PLPP3: variants seen among roughly 807,000 people sequenced by gnomAD.
PLPP3 encodes phospholipid phosphatase 3, also known as PAP2 beta.
In PLPP3, 6 loss-of-function variants were observed where a neutral mutation model predicts 29.6. That is an observed-to-expected ratio of 0.20 (90% CI 0.11 to 0.40). The LOEUF is 0.40. Ranked by LOEUF, PLPP3 falls within the 10% of genes least tolerant of loss-of-function variation. The pLI is 1.00. For missense variants in PLPP3, 308 were observed against 407.7 expected (o/e 0.76, Z 2.11); for synonymous variants, 152 against 159.7 (o/e 0.95, Z 0.36).
chr1:56,535,236 T>A (rs1184830215), intron 2 of PLPP3, among the ~76,000 whole-genome samples: 1 of 152,160 alleles, frequency 6.6e-6, no homozygotes, highest in Non-Finnish European at 1.5e-5. Flanking sequence ...GGTGCTCAGG[T>A]CTGAACCAGG....
chr1:56,522,259 G>T (rs904815555), intron 4 of PLPP3, among the ~76,000 whole-genome samples: 4 of 152,182 alleles, frequency 2.6e-5, no homozygotes, highest in Non-Finnish European at 5.9e-5. Context: ...CATCCAAAGT[G>T]TGTCAGCATC....
intron 4 of PLPP3, among the ~76,000 whole-genome samples, chr1:56,523,183 G>A (rs989203128): frequency 6.6e-6 from 1 of 152,156 alleles, no homozygotes; most frequent in African/African-American, 2.4e-5. Context: ...TCATGGAGCA[G>A]AAGTATTTTG....
intron 1 of PLPP3, among the ~76,000 whole-genome samples, chr1:56,561,054 A>G (rs112415441): frequency 0.023 from 3,294 of 141,602 alleles, 101 homozygotes; most frequent in East Asian, 0.11. Flanking sequence ...TCACCATGTT[A>G]GCCAGGATGG....
At chr1:56,525,998 A>G (rs965868789) in intron 2 of PLPP3, among the ~76,000 whole-genome samples, 17 of 152,178 alleles carry the variant, frequency 1.1e-4, no homozygotes, top group Admixed American at 1.3e-4. Flanking sequence ...AGCTATTATC[A>G]CTGCCAACAT....
intron 1 of PLPP3, among the ~76,000 whole-genome samples, chr1:56,554,470 G>A (rs1646060879): frequency 1.3e-5 from 2 of 151,826 alleles, no homozygotes; most frequent in Non-Finnish European, 2.9e-5. Context: ...TACTCGGGAG[G>A]CTGAGGCAGG....
intron 4 of PLPP3, among the ~76,000 whole-genome samples, chr1:56,516,481 A>AT (rs983264226): frequency 2.4e-4 from 37 of 152,354 alleles, no homozygotes; most frequent in Middle Eastern, 3.4e-3. Context: ...GGGCTTTAGT[A>AT]AAGTCCTAGG....
At chr1:56,505,769 A>C (rs1228102895) in intron 5 of PLPP3, among the ~76,000 whole-genome samples, 1 of 152,226 alleles carries the variant, frequency 6.6e-6, no homozygotes, top group African/African-American at 2.4e-5. Flanking sequence ...GCTTCCAATC[A>C]ACATTAGGCT....
chr1:56,555,454 AAAAAAAC>A (rs1557512836), intron 1 of PLPP3, among the ~76,000 whole-genome samples: 1 of 149,428 alleles, frequency 6.7e-6, no homozygotes, highest in South Asian at 2.1e-4. Context: ...AAAAAAAAAA[AAAAAAAC>A]AAAAAACAAA....
rs542393469 is a variant in PLPP3 at position 56,568,353 on chromosome 1, A to T, written c.139+10525T>A. ...CTCAATAAAGCTCTTTGAATAAAAT[A>T]CCATTGCAACCCAGGAAAAACCCTT... On this transcript the variant is annotated intron_variant, in intron 1 of 5. Coordinates refer to ENST00000371250, the MANE Select transcript of PLPP3 (RefSeq NM_003713.5). 7.2e-5 allele frequency among the ~76,000 whole-genome samples: 11 copies of T among 152,338 alleles called. No homozygotes were observed. In the South Asian group the frequency reaches 2.3e-3, roughly 32 times the overall value.
rs139136619 is a variant in PLPP3 at position 56,565,489 on chromosome 1, C to T, written c.139+13389G>A. Reference sequence around the variant, plus strand: ...AGACTGGAGTGCAGTGGCACAGTCTCGGCTCACTGCAACCTCTGCCTCCCA... The same window carrying T: ...AGACTGGAGTGCAGTGGCACAGTCTTGGCTCACTGCAACCTCTGCCTCCCA... On this transcript the variant is annotated intron_variant, in intron 1 of 5. Transcript: ENST00000371250. 3.6e-3 allele frequency among the ~76,000 whole-genome samples: 551 copies of T among 152,116 alleles called. 2 individuals are homozygous for T. Among genetic ancestry groups the T allele is most frequent in the Non-Finnish European group, 5.5e-3 (374 of 67,990 alleles).
chr1:56,501,007 CAAAAAAAAAAAAA>C (rs71048436), intron 5 of PLPP3, among the ~76,000 whole-genome samples: 3 of 84,962 alleles, frequency 3.5e-5, no homozygotes, highest in African/African-American at 5.7e-5. Flanking sequence ...CTGTCTCAGA[CAAAAAAAAAAAAA>C]AAAAAAAAAA....
intron 1 of PLPP3, among the ~76,000 whole-genome samples, chr1:56,575,171 C>G (rs960393755): frequency 6.6e-5 from 10 of 152,144 alleles, no homozygotes; most frequent in African/African-American, 2.4e-4. Context: ...TAGACATAAT[C>G]CCACACAGTC....
At chr1:56,578,824 G>C (rs921059454) in intron 1 of PLPP3, 54 bp downstream of exon 1, 28 of 1,473,746 alleles carry the variant, frequency 1.9e-5, no homozygotes, top group Non-Finnish European at 2.4e-5. Flanking sequence ...GGGCTGGGAC[G>C]CGCGCCGAGG....
At chr1:56,561,553 G>A (rs758873497) in intron 1 of PLPP3, among the ~76,000 whole-genome samples, 1 of 151,674 alleles carries the variant, frequency 6.6e-6, no homozygotes, top group Admixed American at 6.6e-5. Flanking sequence ...TCAGGATTGT[G>A]GTATTATAGG....
intron 4 of PLPP3, among the ~76,000 whole-genome samples, chr1:56,522,378 T>C (rs1397192306): frequency 1.3e-5 from 2 of 152,172 alleles, no homozygotes; most frequent in Admixed American, 1.3e-4. Context: ...AATGAACACA[T>C]ACCCAGTTCC....
chr1:56,527,090 C>T (rs115899320), intron 2 of PLPP3, among the ~76,000 whole-genome samples: 5,461 of 151,828 alleles, frequency 0.036, 87 homozygotes, highest in South Asian at 0.09. Context: ...CTTTCTGCTC[C>T]AGTTACTTTA....
intron 1 of PLPP3, among the ~76,000 whole-genome samples, chr1:56,572,668 C>T (rs1020569748): frequency 2.0e-5 from 3 of 152,128 alleles, no homozygotes; most frequent in African/African-American, 7.2e-5. Context: ...AATCTTTTTC[C>T]TTAATATAGT....
chr1:56,546,598 C>T (rs1195745785), intron 1 of PLPP3, among the ~76,000 whole-genome samples: 1 of 152,140 alleles, frequency 6.6e-6, no homozygotes, highest in Non-Finnish European at 1.5e-5. Context: ...TGTCAAGTCA[C>T]CAGGGCAAGG....
At chr1:56,555,433 T>TAAAAAAAAAAAAAAAACAA (rs1646068442) in intron 1 of PLPP3, among the ~76,000 whole-genome samples, 2 of 33,216 alleles carry the variant, frequency 6.0e-5, no homozygotes, top group East Asian at 5.2e-4. Flanking sequence ...GGCCAAACAC[T>TAAAAAAAAAAAAAAAACAA]AAAAAAAAAA....
Sources: allele counts gnomAD v4.1 joint callset (sites outside exome capture counted in the v4.1 genomes callset), GRCh38; gene constraint gnomAD v4.1.1; transcripts MANE v1.5; gene names NCBI Gene and HGNC (gene_info 2026-07-23, HGNC 2026-07-21).